The following EMC1 variants were observed in gnomAD, a reference collection of about 807,000 sequenced individuals.
The protein encoded by EMC1 is ER membrane protein complex subunit 1, also known as KIAA0090.
In EMC1, 103 loss-of-function variants were observed where a neutral mutation model predicts 128.8. The ratio of observed to expected loss-of-function variants is 0.80; its 90% CI spans 0.68 to 0.94. The LOEUF is 0.94. Among genes scored for constraint, EMC1 ranks in the 40% least tolerant of loss-of-function variants. EMC1 has a pLI of 0.00. For missense variants in EMC1, 1,083 were observed against 1,250.6 expected, an observed-to-expected ratio of 0.87 and a Z score of 2.02; for synonymous variants, 442 against 490.4, an observed-to-expected ratio of 0.90 and a Z score of 1.30.
At chr1:19,231,066 G>C in intron 16 of EMC1, 103 bp from the exon 17 acceptor site, 2 of 1,469,592 alleles carry the variant, frequency 1.4e-6, no homozygotes, top group Non-Finnish European at 9.3e-7. Flanking sequence ...CTCAGTTTAG[G>C]GTTTACATTC....
Position 19,219,256 on chromosome 1 carries a change from G to T in EMC1, c.*47C>A. ...AAACTGCAGCTGTAGCTGCTTATCT[G>T]ACCCACACTCCCCTGGCTCTCCACT... On this transcript the variant is annotated 3_prime_UTR_variant, in exon 23 of 23. Coordinates refer to ENST00000477853, the MANE Select transcript of EMC1 (RefSeq NM_015047.3). The T allele has an allele frequency of 6.3e-7, 1 of 1,597,388 alleles. No individual in the cohort carries two copies. Among genetic ancestry groups the T allele is most frequent in the South Asian group, 1.1e-5 (1 of 90,418 alleles).
intron 16 of EMC1, 85 bp from the exon 17 acceptor site, chr1:19,231,048 G>T (rs2093517557): frequency 2.0e-6 from 3 of 1,535,554 alleles, no homozygotes; most frequent in South Asian, 1.2e-5. Context: ...CAAATCAGTT[G>T]ATTTGAACTC....
At chr1:19,230,657 G>A (rs2093513979) in intron 17 of EMC1, among the ~76,000 whole-genome samples, 187 bp downstream of exon 17, 1 of 152,124 alleles carries the variant, frequency 6.6e-6, no homozygotes, top group South Asian at 2.1e-4. Flanking sequence ...ACAGCACCTA[G>A]AACCGTATCT....
In EMC1 at chr1:19,223,045, T is replaced by C. The variant is rs936949296; in HGVS notation, c.2377-211A>G. The C allele has an allele frequency of 2.1e-5, 12 of 573,180 alleles. No homozygotes were observed. In the African/African-American group the frequency reaches 2.3e-4, roughly 11 times the overall value. 35.5% of individuals were successfully genotyped at this position (573,180 alleles called of 1,614,324 possible). The stretch of plus-strand genomic sequence containing the variant: ...AAGTTCACCACAAAACAAAGGAAAT[T>C]CTCAAGAGTCTTAGAAGCCATAATA... On this transcript the variant is annotated intron_variant, in intron 19 of 22. Coordinates refer to ENST00000477853, the MANE Select transcript of EMC1 (RefSeq NM_015047.3).
At chr1:19,232,914 C>T (rs1219671480) in intron 14 of EMC1, 22 bp downstream of exon 14, 1 of 1,612,812 alleles carries the variant, frequency 6.2e-7, no homozygotes. Context: ...GGTTCAGTAA[C>T]TGGAGCTTAA....
At chr1:19,238,171 G>C in intron 10 of EMC1, 32 bp from the exon 11 acceptor site, 1 of 1,608,166 alleles carries the variant, frequency 6.2e-7, no homozygotes, top group Non-Finnish European at 8.5e-7. Context: ...GTCAACTACA[G>C]GTATCCCCCG....
chr1:19,241,045 T>C lies in EMC1; in HGVS notation c.607A>G (p.Asn203Asp). The change falls in exon 6 of 23, where the codon AAT becomes GAT. Residue 203 changes from asparagine to aspartate, a missense_variant. Transcript: ENST00000477853. Reference sequence around the variant, plus strand: ...TGAACAATCTCTCCATCTTCCACATTAAACTTGACAATGTTCACATGGCTG... The same window carrying C: ...TGAACAATCTCTCCATCTTCCACATCAAACTTGACAATGTTCACATGGCTG... ...PFSHVNIVKFNVEDGEIVQQV... is the reference protein window; with the variant it reads ...PFSHVNIVKFDVEDGEIVQQV... The C allele has an allele frequency of 1.2e-6, 2 of 1,614,152 alleles. No individual in the cohort carries two copies. Among genetic ancestry groups the C allele is most frequent in the Non-Finnish European group, 1.7e-6 (2 of 1,180,028 alleles).
At chr1:19,248,821 T>C (rs886170819) in intron 1 of EMC1, among the ~76,000 whole-genome samples, 10 of 152,174 alleles carry the variant, frequency 6.6e-5, no homozygotes, top group African/African-American at 1.7e-4. Flanking sequence ...TGTGTCTTAG[T>C]TTTTAACAAA....
intron 17 of EMC1, among the ~76,000 whole-genome samples, chr1:19,229,866 G>C (rs1040468942): frequency 5.9e-5 from 9 of 152,204 alleles, no homozygotes; most frequent in African/African-American, 2.2e-4. Flanking sequence ...CAGAAGACCA[G>C]AGCCCAAGGT....
At chr1:19,226,556 T>A (rs948909545) in intron 18 of EMC1, among the ~76,000 whole-genome samples, 12 of 151,834 alleles carry the variant, frequency 7.9e-5, no homozygotes, top group African/African-American at 1.5e-4. Flanking sequence ...TTAAAAAAAA[T>A]TTTTTTTGTT....
At chr1:19,234,802 C>T (rs964381998) in intron 13 of EMC1, among the ~76,000 whole-genome samples, 1 of 151,680 alleles carries the variant, frequency 6.6e-6, no homozygotes, top group Non-Finnish European at 1.5e-5. Flanking sequence ...GCCAAGATCG[C>T]GCCACTGCAC....
Position 19,240,125 on chromosome 1 carries a change from C to G in EMC1, c.787-140G>C, listed in dbSNP as rs1002095846. Reference sequence around the variant, plus strand: ...GGCTCCAAATGCTCCAGTTCAAGTTCCCCAAAGAGGAAAGTGACTGATTTC... The same window carrying G: ...GGCTCCAAATGCTCCAGTTCAAGTTGCCCAAAGAGGAAAGTGACTGATTTC... On this transcript the variant is annotated intron_variant, in intron 7 of 22. Coordinates refer to ENST00000477853, the MANE Select transcript of EMC1 (RefSeq NM_015047.3). The G allele has an allele frequency of 3.3e-6, 4 of 1,204,924 alleles. No individual in the cohort carries two copies. In the African/African-American group the frequency reaches 6.1e-5, roughly 18 times the overall value. 74.6% of individuals were successfully genotyped at this position (1,204,924 alleles called of 1,614,324 possible). A position where few individuals can be genotyped will look rare whatever the true frequency, so the allele number is the denominator to read the frequency against.
At position 19,232,963 on chromosome 1, in the gene EMC1, C is replaced by G. The variant is rs753353617; in HGVS notation, c.1605G>C (p.Met535Ile). 1 of 1,614,150 alleles carries G rather than the reference C, an allele frequency of 6.2e-7. No homozygotes were observed. The highest frequency in any genetic ancestry group is 8.5e-7 in the Non-Finnish European group (1 of 1,180,020). The change falls in exon 14 of 23, where the codon ATG becomes ATC. Residue 535 changes from methionine (M) to isoleucine (I), a missense_variant. Physicochemically the swap from Met to Ile is conservative, Grantham distance 10 (BLOSUM62 1). This residue lies in a region of EMC1 where 527 missense variants were observed against 644.1 expected (regional missense o/e 0.82). Coordinates refer to ENST00000477853, the MANE Select transcript of EMC1 (RefSeq NM_015047.3). ...LARDEFNLQK[M>I]MVMVTASGKL... ...TGCCTGAGGCTGTTACCATCACCAT[C>G]ATCTTCTGGAGGTTGAATTCATCTC...
chr1:19,242,578 G>A, intron 4 of EMC1, 105 bp from the exon 5 acceptor site: 9 of 1,284,414 alleles, frequency 7.0e-6, no homozygotes, highest in Non-Finnish European at 9.7e-6. Flanking sequence ...AAGAAAACAG[G>A]CTTTGGGGTC....
At chr1:19,251,287 G>T in intron 1 of EMC1, 128 bp downstream of exon 1, 1 of 866,760 alleles carries the variant, frequency 1.2e-6, no homozygotes, top group Non-Finnish European at 1.8e-6. Flanking sequence ...GGGGCCCCAC[G>T]TTTTCATTTT....
At chr1:19,242,204 A>C in intron 5 of EMC1, 141 bp downstream of exon 5, 1 of 833,126 alleles carries the variant, frequency 1.2e-6, no homozygotes, top group Non-Finnish European at 1.9e-6. Flanking sequence ...CCTTCAAGAT[A>C]TTCTGAGTGC....
chr1:19,230,354 A>G (rs2093510673), intron 17 of EMC1, among the ~76,000 whole-genome samples: 1 of 151,150 alleles, frequency 6.6e-6, no homozygotes, highest in African/African-American at 2.4e-5. Context: ...GTGGATCACA[A>G]GGTCAGGAGT....
chr1:19,250,299 T>A (rs2093652500), intron 1 of EMC1, among the ~76,000 whole-genome samples: 1 of 144,308 alleles, frequency 6.9e-6, no homozygotes, highest in African/African-American at 2.6e-5. Context: ...GGCCCTGGGC[T>A]CAGAGCAGAG....
At chr1:19,221,671 T>C (rs1364362732) in intron 20 of EMC1, 1 of 149,172 alleles carries the variant, frequency 6.7e-6, no homozygotes, top group African/African-American at 2.5e-5. Flanking sequence ...CAATGCCAAG[T>C]GCCCATCAGA....
Sources: gnomAD v4.1 joint callset for allele counts (sites outside exome capture counted in the v4.1 genomes callset) on GRCh38, gnomAD v4.1.1 for gene constraint, gnomAD v4.1.1 regional missense constraint, MANE v1.5 for transcripts, NCBI Gene and HGNC (gene_info 2026-07-23, HGNC 2026-07-21) for gene names.